TFDP2: variants seen among roughly 807,000 people sequenced by gnomAD.
TFDP2 encodes the protein transcription factor Dp-2.
In TFDP2, 17 loss-of-function variants were observed where a neutral mutation model predicts 59.3. The observed-to-expected ratio is 0.29, with a 90% confidence interval of 0.20 to 0.43. The LOEUF (loss-of-function observed/expected upper bound fraction) is 0.43. Among genes scored for constraint, TFDP2 ranks in the 20% least tolerant of loss-of-function variants. The pLI is 1.00. For synonymous variants in TFDP2, 180 were observed against 194.7 expected, an observed-to-expected ratio of 0.92 and a Z score of 0.63; for missense variants, 391 against 528.8, an observed-to-expected ratio of 0.74 and a Z score of 2.56.
intron 7 of TFDP2, among the ~76,000 whole-genome samples, chr3:141,978,046 A>C (rs191074146): frequency 1.6e-4 from 24 of 151,696 alleles, no homozygotes; most frequent in East Asian, 3.9e-4. Flanking sequence ...ACAAAAAAAA[A>C]CAAAAAAAAC....
intron 3 of TFDP2, among the ~76,000 whole-genome samples, chr3:142,048,169 C>T (rs1947442053): frequency 6.6e-6 from 1 of 152,056 alleles, no homozygotes; most frequent in Non-Finnish European, 1.5e-5. Flanking sequence ...AATCCTAGCA[C>T]CTTGGGAGGA....
At chr3:142,002,532 T>A (rs1399885338) in intron 4 of TFDP2, among the ~76,000 whole-genome samples, 1 of 152,084 alleles carries the variant, frequency 6.6e-6, no homozygotes, top group Non-Finnish European at 1.5e-5. Context: ...ATCTGATACC[T>A]CATTATAATG....
At chr3:142,017,791 T>G (rs1576723160) in intron 3 of TFDP2, among the ~76,000 whole-genome samples, 1 of 152,196 alleles carries the variant, frequency 6.6e-6, no homozygotes, top group Non-Finnish European at 1.5e-5. Flanking sequence ...GACCTCGTGA[T>G]CCACCCGCCT....
chr3:142,010,519 G>C (rs1406330132), intron 3 of TFDP2, among the ~76,000 whole-genome samples: 1 of 147,416 alleles, frequency 6.8e-6, no homozygotes, highest in African/African-American at 2.5e-5. Context: ...TGAGGCAGGA[G>C]AATCGCTTGA....
Position 141,952,918 on chromosome 3 carries a change from G to C in TFDP2, c.1150C>G (p.Gln384Glu). 4 of 1,613,512 alleles carry C rather than the reference G, an allele frequency of 2.5e-6. No individual in the cohort carries two copies. Among genetic ancestry groups the C allele is most frequent in the Non-Finnish European group, 3.4e-6 (4 of 1,179,472 alleles). Residue 384 changes from glutamine (Q) to glutamate (E), a missense_variant, in exon 12 of 13, where the codon CAG (glutamine) becomes GAG (glutamate). Physicochemically the swap from Gln to Glu is conservative, Grantham distance 29 (BLOSUM62 2). Coordinates refer to ENST00000489671, the MANE Select transcript of TFDP2 (RefSeq NM_001178139.2). ...LDLTTGATLP[Q>E]SSVNQGLCLD... is the part of the protein sequence containing the mutation. ...CCTGAAAAAAATACGTACCTTGACT[G>C]GGGTAAGGTGGCACCAGTGGTCAGG...
chr3:142,076,183 C>A (rs191161770), intron 3 of TFDP2, among the ~76,000 whole-genome samples: 108 of 147,664 alleles, frequency 7.3e-4, no homozygotes, highest in African/African-American at 2.6e-3. Flanking sequence ...TGCACTCCAT[C>A]CTGGGCAACA....
chr3:142,046,864 C>T (rs1947367002), intron 3 of TFDP2, among the ~76,000 whole-genome samples: 1 of 152,098 alleles, frequency 6.6e-6, no homozygotes, highest in Non-Finnish European at 1.5e-5. Context: ...TGGGTCCCAC[C>T]AGCTAGCTAT....
rs374321449 is a variant in TFDP2, at chr3:142,017,938, T to TTTTATTTATTTATTTATTTATTTA, written c.83-12395_83-12394insTAAATAAATAAATAAATAAATAAA. On this transcript the variant is annotated intron_variant, in intron 3 of 12. Coordinates refer to ENST00000489671, the MANE Select transcript of TFDP2 (RefSeq NM_001178139.2). ...CTGTAGATGTAGTGTTGCCTCAATA[T>TTTTATTTATTTATTTATTTATTTA]TTTATTTATTTATTTATTTATGAGA... Among the ~76,000 whole-genome samples the TTTTATTTATTTATTTATTTATTTA allele has an allele frequency of 5.6e-3, 850 of 151,406 alleles. 4 individuals are homozygous for TTTTATTTATTTATTTATTTATTTA. Among genetic ancestry groups the TTTTATTTATTTATTTATTTATTTA allele is most frequent in the South Asian group, 0.016 (78 of 4,778 alleles).
At chr3:141,994,904 G>T in intron 5 of TFDP2, 116 bp downstream of exon 5, 1 of 865,588 alleles carries the variant, frequency 1.2e-6, no homozygotes, top group Non-Finnish European at 1.7e-6. Flanking sequence ...GATTTTAAAG[G>T]AAAAACATTT....
intron 9 of TFDP2, 135 bp from the exon 10 acceptor site, chr3:141,964,098 T>A: frequency 1.4e-6 from 1 of 731,856 alleles, no homozygotes; most frequent in Non-Finnish European, 2.1e-6. Flanking sequence ...AATGAATTAA[T>A]TTAAAAAATT....
intron 8 of TFDP2, among the ~76,000 whole-genome samples, chr3:141,973,123 A>ATATATATATATATATATATATATT: frequency 1.7e-5 from 1 of 58,026 alleles, no homozygotes; most frequent in African/African-American, 6.5e-5. Flanking sequence ...ATATATATAT[A>ATATATATATATATATATATATATT]TTTTTTTTTT....
intron 3 of TFDP2, among the ~76,000 whole-genome samples, chr3:142,009,586 C>G (rs1399029701): frequency 6.6e-6 from 1 of 151,880 alleles, no homozygotes; most frequent in Non-Finnish European, 1.5e-5. Context: ...GTGGTACACA[C>G]CTGTAATCCC....
intron 4 of TFDP2, among the ~76,000 whole-genome samples, 153 bp downstream of exon 4, chr3:142,005,288 C>G (rs1944122114): frequency 6.6e-6 from 1 of 152,336 alleles, no homozygotes; most frequent in East Asian, 1.9e-4. Flanking sequence ...ATCCACCTGC[C>G]TCGGCCTCCC....
rs1285853982 is a variant in TFDP2, at chr3:142,101,766, T to C, written c.-17A>G. The C allele has an allele frequency of 7.6e-7, 1 of 1,312,624 alleles. No individual in the cohort carries two copies. The highest frequency in any genetic ancestry group is 1.0e-6 in the Non-Finnish European group (1 of 996,186). 81.3% of individuals were successfully genotyped at this position (1,312,624 alleles called of 1,614,324 possible). On this transcript the variant is annotated 5_prime_UTR_variant, in exon 2 of 13. Transcript: ENST00000489671. ...TGCCGTCATGTCAAACTGTATTCTA[T>C]TTAAGATTCTGTAAAGCCATTAAAA...
At chr3:141,969,456 CG>C (rs1389700748) in intron 9 of TFDP2, among the ~76,000 whole-genome samples, 2 of 150,574 alleles carry the variant, frequency 1.3e-5, no homozygotes, top group Non-Finnish European at 3.0e-5. Flanking sequence ...ACTAAAAATA[CG>C]AAAAAACTAG....
rs1935246341 is a variant in TFDP2, at chr3:141,946,323, T to C, written c.*6190A>G. 6.6e-6 allele frequency: 1 copy of C among 152,260 alleles called. No individual in the cohort carries two copies. Among genetic ancestry groups the C allele is most frequent in the Non-Finnish European group, 1.5e-5 (1 of 68,068 alleles). 9.4% of individuals were successfully genotyped at this position (152,260 alleles called of 1,614,324 possible). A position where few individuals can be genotyped will look rare whatever the true frequency, so the allele number is the denominator to read the frequency against. ...GCTACGTTGGCCTCCAATGCAGCTA[T>C]AAGCAGTGAAGACCAAAGTCTAACC... On this transcript the variant is annotated 3_prime_UTR_variant, in exon 13 of 13. Coordinates refer to ENST00000489671, the MANE Select transcript of TFDP2 (RefSeq NM_001178139.2).
intron 1 of TFDP2, among the ~76,000 whole-genome samples, chr3:142,114,982 A>T (rs1481887658): frequency 6.6e-6 from 1 of 152,094 alleles, no homozygotes; most frequent in Admixed American, 6.6e-5. Context: ...TCAATAAAAA[A>T]ATTATATATG....
chr3:141,984,533 T>C (rs1383062443), intron 6 of TFDP2, among the ~76,000 whole-genome samples: 2 of 152,158 alleles, frequency 1.3e-5, no homozygotes, highest in African/African-American at 4.8e-5. Context: ...TCCACTTATA[T>C]GAAATCAAAT....
chr3:142,043,494 G>T, intron 3 of TFDP2: 1 of 462,166 alleles, frequency 2.2e-6, no homozygotes, highest in Non-Finnish European at 4.0e-6. Context: ...CTCCCAAGTA[G>T]CTGGGATTAC....
Sources: gnomAD v4.1 joint callset for allele counts (sites outside exome capture counted in the v4.1 genomes callset) on GRCh38, gnomAD v4.1.1 for gene constraint, MANE v1.5 for transcripts, NCBI Gene and HGNC (gene_info 2026-07-23, HGNC 2026-07-21) for gene names.